Variants in NPSR1 observed in about 807,000 individuals in gnomAD.
NPSR1 encodes the protein neuropeptide S receptor.
A neutral mutation model predicts 46.9 loss-of-function variants in NPSR1; 48 were observed. The observed-to-expected ratio is 1.02, with a 90% CI of 0.81 to 1.30. The LOEUF (loss-of-function observed/expected upper bound fraction) is 1.30. Ranked by LOEUF, NPSR1 falls within the 50% of genes most tolerant of loss-of-function variation. NPSR1 has a pLI of 0.00. For missense variants in NPSR1, 450 were observed against 449.5 expected, an observed-to-expected ratio of 1.00 and a Z score of -0.01; for synonymous variants, 176 against 168.1, an observed-to-expected ratio of 1.05 and a Z score of -0.36.
At chr7:34,658,585 A>G (rs1170675824) in intron 1 of NPSR1, 26 bp downstream of exon 1, 2 of 1,610,034 alleles carry the variant, frequency 1.2e-6, no homozygotes, top group East Asian at 4.5e-5. Context: ...GCGACTCTGA[A>G]CACTGACTTA....
intron 3 of NPSR1, among the ~76,000 whole-genome samples, chr7:34,781,207 C>T (rs558825052): frequency 7.3e-4 from 111 of 152,266 alleles, no homozygotes; most frequent in African/African-American, 2.6e-3. Context: ...CATGCTCCAA[C>T]ATTCACACAG....
chr7:34,868,890 A>T (rs1274187031), intron 8 of NPSR1, among the ~76,000 whole-genome samples: 1 of 151,618 alleles, frequency 6.6e-6, no homozygotes, highest in Non-Finnish European at 1.5e-5. Flanking sequence ...CAAAGGCCTG[A>T]ATCAGGGTGG....
chr7:34,782,748 A>G (rs976274945), intron 3 of NPSR1, among the ~76,000 whole-genome samples: 2 of 152,186 alleles, frequency 1.3e-5, no homozygotes, highest in Admixed American at 6.5e-5. Flanking sequence ...CAGACATAAC[A>G]TCATCAAAAG....
chr7:34,821,966 A>G (rs1789579200), intron 4 of NPSR1, among the ~76,000 whole-genome samples: 1 of 152,162 alleles, frequency 6.6e-6, no homozygotes, highest in Admixed American at 6.5e-5. Context: ...AAACAGGGGG[A>G]GACCTGCATC....
chr7:34,785,922 TA>T (rs1371920466), intron 3 of NPSR1, among the ~76,000 whole-genome samples: 1 of 152,148 alleles, frequency 6.6e-6, no homozygotes, highest in Non-Finnish European at 1.5e-5. Context: ...CTTCATCAAA[TA>T]TTGGCCTTTT....
At chr7:34,693,638 A>G (rs1793373233) in intron 2 of NPSR1, among the ~76,000 whole-genome samples, 1 of 152,204 alleles carries the variant, frequency 6.6e-6, no homozygotes, top group African/African-American at 2.4e-5. Context: ...AACTGTTCCT[A>G]TAAAACCAGT....
At chr7:34,741,914 T>C (rs1784958781) in intron 2 of NPSR1, among the ~76,000 whole-genome samples, 1 of 152,246 alleles carries the variant, frequency 6.6e-6, no homozygotes. Context: ...CTGTGTTTCC[T>C]AGTTCTGTGA....
At chr7:34,868,960 A>G (rs1431645248) in intron 8 of NPSR1, among the ~76,000 whole-genome samples, 4 of 151,794 alleles carry the variant, frequency 2.6e-5, no homozygotes, top group East Asian at 1.9e-4. Context: ...GGACTTCAGC[A>G]GGAGAGGAGA....
chr7:34,738,936 T>C (rs1013910990), intron 2 of NPSR1, among the ~76,000 whole-genome samples: 18 of 152,056 alleles, frequency 1.2e-4, no homozygotes, highest in Non-Finnish European at 2.2e-4. Flanking sequence ...CAACCATGAG[T>C]CTGTCTATGA....
chr7:34,768,129 C>T (rs1265059666), intron 2 of NPSR1, among the ~76,000 whole-genome samples: 1 of 152,048 alleles, frequency 6.6e-6, no homozygotes, highest in Non-Finnish European at 1.5e-5. Context: ...CTTATTTTGT[C>T]ATTTTAAAAA....
At chr7:34,754,118 C>T (rs1776107992) in intron 2 of NPSR1, among the ~76,000 whole-genome samples, 1 of 152,094 alleles carries the variant, frequency 6.6e-6, no homozygotes, top group African/African-American at 2.4e-5. Flanking sequence ...GAACTTCCAC[C>T]CATCTCCTCT....
At chr7:34,874,916 A>G (rs1472704657) in intron 8 of NPSR1, among the ~76,000 whole-genome samples, 1 of 151,818 alleles carries the variant, frequency 6.6e-6, no homozygotes, top group Non-Finnish European at 1.5e-5. Flanking sequence ...GGCTCCAACT[A>G]CCTCTGCTTT....
At chr7:34,790,861 T>C (rs372078950) in intron 3 of NPSR1, among the ~76,000 whole-genome samples, 16 of 115,816 alleles carry the variant, frequency 1.4e-4, no homozygotes, top group South Asian at 7.6e-4. Context: ...TATGTTATGT[T>C]ATATATGTTA....
intron 2 of NPSR1, among the ~76,000 whole-genome samples, chr7:34,758,575 A>G (rs752289758): frequency 1.3e-5 from 2 of 152,214 alleles, no homozygotes; most frequent in Admixed American, 1.3e-4. Flanking sequence ...CAACCAGGAC[A>G]TTTTTCATTT....
At chr7:34,806,651 T>C (rs1338972079) in intron 3 of NPSR1, among the ~76,000 whole-genome samples, 1 of 152,084 alleles carries the variant, frequency 6.6e-6, no homozygotes. Context: ...ATATAAACAA[T>C]GGACTTTAGT....
At chr7:34,777,471 G>A (rs1052226198) in intron 2 of NPSR1, among the ~76,000 whole-genome samples, 5 of 150,852 alleles carry the variant, frequency 3.3e-5, no homozygotes, top group African/African-American at 4.9e-5. Flanking sequence ...GGTGGCGTCA[G>A]AGATTTAAAA....
chr7:34,745,402 C>CA (rs1439524236), intron 2 of NPSR1, among the ~76,000 whole-genome samples: 1 of 152,116 alleles, frequency 6.6e-6, no homozygotes, highest in Non-Finnish European at 1.5e-5. Context: ...AACTTTATTA[C>CA]AATTATTTTT....
At chr7:34,660,453 T>C (rs1791398686) in intron 1 of NPSR1, among the ~76,000 whole-genome samples, 1 of 152,214 alleles carries the variant, frequency 6.6e-6, no homozygotes, top group Non-Finnish European at 1.5e-5. Flanking sequence ...ATGCAAGCCC[T>C]TGTTCACTGC....
At position 34,848,485 on chromosome 7, in the gene NPSR1, T is replaced by C. The variant is rs1790818493; in HGVS notation, c.847T>C (p.Phe283Leu). ...CTAATGGCTCTCTTCTCCCCCAGCC[T>C]TCATCTGCTGTTGGAGTCCATACTT... Reference protein sequence around the residue: ...IKYSIIIILAFICCWSPYFLF... With the variant: ...IKYSIIIILALICCWSPYFLF... Residue 283 changes from phenylalanine to leucine, a missense_variant and splice_region_variant, in exon 8 of 9, where the codon TTC (phenylalanine) becomes CTC (leucine). Physicochemically the swap from Phe to Leu is conservative, Grantham distance 22. Transcript: ENST00000360581. 1 of 1,613,878 alleles carries C rather than the reference T, an allele frequency of 6.2e-7. No individual in the cohort carries two copies. Among genetic ancestry groups the C allele is most frequent in the Non-Finnish European group, 8.5e-7 (1 of 1,179,926 alleles).
Sources: gnomAD v4.1 joint callset for allele counts (sites outside exome capture counted in the v4.1 genomes callset) on GRCh38, gnomAD v4.1.1 for gene constraint, MANE v1.5 for transcripts, NCBI Gene and HGNC (gene_info 2026-07-23, HGNC 2026-07-21) for gene names.